PLEKHG1: variants seen among roughly 807,000 people sequenced by gnomAD.
The protein encoded by PLEKHG1 is pleckstrin homology domain-containing family G member 1.
A neutral mutation model predicts 100.8 loss-of-function variants in PLEKHG1; 44 were observed. The ratio of observed to expected loss-of-function variants is 0.44; its 90% CI spans 0.34 to 0.56. PLEKHG1 has a LOEUF of 0.56. Ranked by LOEUF, PLEKHG1 falls within the 20% of genes least tolerant of loss-of-function variation. The pLI, the probability that PLEKHG1 is intolerant of heterozygous loss-of-function variation, is 0.01. For missense variants in PLEKHG1, 1,545 were observed against 1,720.9 expected, an observed-to-expected ratio of 0.90 and a Z score of 1.81; for synonymous variants, 640 against 662.5, an observed-to-expected ratio of 0.97 and a Z score of 0.52.
chr6:150,682,211 C>T (rs1218914762), intron 3 of PLEKHG1, among the ~76,000 whole-genome samples: 1 of 152,142 alleles, frequency 6.6e-6, no homozygotes, highest in African/African-American at 2.4e-5. Context: ...AGCCACTCAC[C>T]TGTGGCAAAG....
intron 3 of PLEKHG1, among the ~76,000 whole-genome samples, chr6:150,655,721 A>AG (rs1778941419): frequency 6.6e-6 from 1 of 151,442 alleles, no homozygotes; most frequent in South Asian, 2.1e-4. Context: ...AAAAAAAAAA[A>AG]AAAAAAAAAG....
At chr6:150,828,623 A>G (rs1246914064) in intron 14 of PLEKHG1, among the ~76,000 whole-genome samples, 1 of 152,136 alleles carries the variant, frequency 6.6e-6, no homozygotes, top group Non-Finnish European at 1.5e-5. Flanking sequence ...ATGGCAAAAA[A>G]AAAAAAGATA....
chr6:150,695,561 G>A (rs1211182866), intron 3 of PLEKHG1, among the ~76,000 whole-genome samples: 1 of 152,196 alleles, frequency 6.6e-6, no homozygotes, highest in Non-Finnish European at 1.5e-5. Flanking sequence ...CTTAACATTT[G>A]TGTGATCTTG....
chr6:150,839,402 T>C (rs991570288), intron 15 of PLEKHG1, among the ~76,000 whole-genome samples: 2 of 152,156 alleles, frequency 1.3e-5, no homozygotes, highest in African/African-American at 4.8e-5. Context: ...AGGCGTGAGC[T>C]ATTACGCCCA....
intron 2 of PLEKHG1, among the ~76,000 whole-genome samples, chr6:150,643,749 A>G (rs938994501): frequency 6.6e-6 from 1 of 152,212 alleles, no homozygotes; most frequent in African/African-American, 2.4e-5. Flanking sequence ...CATACCAGGC[A>G]TTCACTACAT....
intron 3 of PLEKHG1, among the ~76,000 whole-genome samples, chr6:150,685,244 C>A (rs1780078502): frequency 1.3e-5 from 2 of 152,020 alleles, no homozygotes; most frequent in Non-Finnish European, 1.5e-5. Flanking sequence ...CAGGGCGTGG[C>A]CCCAGCAGAA....
intron 3 of PLEKHG1, among the ~76,000 whole-genome samples, chr6:150,674,438 G>C (rs1376207655): frequency 6.6e-6 from 1 of 152,112 alleles, no homozygotes; most frequent in Non-Finnish European, 1.5e-5. Context: ...TTCTCTTTCT[G>C]AGAATTAACC....
chr6:150,809,057 G>A (rs1562537940), intron 7 of PLEKHG1, 48 bp from the exon 9 acceptor site: 2 of 1,549,176 alleles, frequency 1.3e-6, no homozygotes, highest in Admixed American at 1.7e-5. Context: ...AGCCCTTGGT[G>A]CCTGGCTTCT....
chr6:150,615,096 G>A (rs543310580), intron 1 of PLEKHG1, among the ~76,000 whole-genome samples: 1 of 152,350 alleles, frequency 6.6e-6, no homozygotes, highest in Admixed American at 6.5e-5. Flanking sequence ...GTAGTCATCA[G>A]TAACACATTG....
intron 3 of PLEKHG1, among the ~76,000 whole-genome samples, chr6:150,785,046 A>AAG (rs386408934): frequency 2.0e-4 from 31 of 151,878 alleles, no homozygotes; most frequent in East Asian, 5.8e-4. Context: ...AAAAAAAAAA[A>AAG]AGAGAGAGAG....
chr6:150,800,761 G>A, exon 6 of PLEKHG1: 1 of 1,613,896 alleles, frequency 6.2e-7, no homozygotes, highest in Non-Finnish European at 8.5e-7. Context: ...ACAAGATACT[G>A]GCCAAATTCT....
intron 3 of PLEKHG1, among the ~76,000 whole-genome samples, chr6:150,715,867 G>A (rs1308560711): frequency 6.7e-6 from 1 of 149,292 alleles, no homozygotes; most frequent in Non-Finnish European, 1.5e-5. Context: ...CCAGCACTTT[G>A]GGAGGCAGAG....
intron 10 of PLEKHG1, among the ~76,000 whole-genome samples, chr6:150,812,685 C>T (rs1033601123): frequency 6.6e-6 from 1 of 152,106 alleles, no homozygotes; most frequent in Non-Finnish European, 1.5e-5. Context: ...CAAGACTTCT[C>T]GTCTGGCTCG....
chr6:150,678,431 G>A (rs998744401), intron 3 of PLEKHG1, among the ~76,000 whole-genome samples: 1 of 152,044 alleles, frequency 6.6e-6, no homozygotes, highest in African/African-American at 2.4e-5. Flanking sequence ...TAATATATAA[G>A]CAGGAATTGT....
At chr6:150,666,273 G>A (rs1419686959) in intron 3 of PLEKHG1, among the ~76,000 whole-genome samples, 2 of 152,138 alleles carry the variant, frequency 1.3e-5, no homozygotes, top group Non-Finnish European at 2.9e-5. Context: ...CATTCAGGTT[G>A]GAATGGCGCC....
At chr6:150,804,966 G>A (rs924062627) in intron 7 of PLEKHG1, among the ~76,000 whole-genome samples, 10 of 149,376 alleles carry the variant, frequency 6.7e-5, no homozygotes, top group Non-Finnish European at 1.5e-4. Context: ...ATGGAGTTTC[G>A]CTCTTGTTGC....
intron 3 of PLEKHG1, among the ~76,000 whole-genome samples, chr6:150,785,947 T>C (rs1276002201): frequency 6.6e-6 from 1 of 152,094 alleles, no homozygotes; most frequent in Non-Finnish European, 1.5e-5. Context: ...CAATCCAGTC[T>C]GTGGAAAAGT....
chr6:150,653,410 T>A (rs1317798934), intron 3 of PLEKHG1, among the ~76,000 whole-genome samples: 1 of 151,772 alleles, frequency 6.6e-6, no homozygotes, highest in Non-Finnish European at 1.5e-5. Flanking sequence ...ACCCCCCACG[T>A]GTATGTGAGA....
chr6:150,608,329 C>T (rs1030581521), intron 1 of PLEKHG1, among the ~76,000 whole-genome samples: 1 of 152,152 alleles, frequency 6.6e-6, no homozygotes, highest in African/African-American at 2.4e-5. Context: ...ATCCAGAAAG[C>T]CCCTGAGGAA....
Sources: allele counts gnomAD v4.1 joint callset (sites outside exome capture counted in the v4.1 genomes callset), GRCh38; gene constraint gnomAD v4.1.1; transcripts MANE v1.5; gene names NCBI Gene and HGNC (gene_info 2026-07-23, HGNC 2026-07-21).